Variants in CNTLN observed in about 807,000 individuals in gnomAD.
The protein encoded by CNTLN is centlein, also known as centlein, centrosomal protein.
A neutral mutation model predicts 180.0 loss-of-function variants in CNTLN; 212 were observed. That is an observed-to-expected ratio of 1.18 (90% CI 1.05 to 1.32). The LOEUF is 1.32. Ranked by LOEUF, CNTLN falls within the 40% of genes most tolerant of loss-of-function variation. The pLI is 0.00. For synonymous variants in CNTLN, 722 were observed against 563.1 expected, an observed-to-expected ratio of 1.28 and a Z score of -3.99; for missense variants, 2,095 against 1,610.9, an observed-to-expected ratio of 1.30 and a Z score of -5.14.
At chr9:17,411,969 G>C (rs552353349) in intron 16 of CNTLN, among the ~76,000 whole-genome samples, 1 of 152,168 alleles carries the variant, frequency 6.6e-6, no homozygotes, top group African/African-American at 2.4e-5. Context: ...AATTTCAGAG[G>C]CCAAGTGCAG....
At position 17,224,565 on chromosome 9, in the gene CNTLN, G is replaced by T. The variant is rs1047790710; in HGVS notation, c.450-1638G>T. 1.3e-5 allele frequency among the ~76,000 whole-genome samples: 2 copies of T among 151,926 alleles called. 1 individual carries two copies. Among genetic ancestry groups the T allele is most frequent in the Admixed American group, 1.3e-4 (2 of 15,226 alleles). Reference sequence around the variant, plus strand: ...GTTTTTAATCTCACTATTTTCCTGTGTAGTGTTCTGGATGAATCCCTTATT... The same window carrying T: ...GTTTTTAATCTCACTATTTTCCTGTTTAGTGTTCTGGATGAATCCCTTATT... On this transcript the variant is annotated intron_variant, in intron 2 of 25. Transcript: ENST00000380647.
chr9:17,463,969 C>A (rs1273127298), intron 20 of CNTLN, among the ~76,000 whole-genome samples: 1 of 151,400 alleles, frequency 6.6e-6, no homozygotes, highest in African/African-American at 2.4e-5. Context: ...AGCAGTGGTT[C>A]TCACAGCATC....
intron 8 of CNTLN, among the ~76,000 whole-genome samples, chr9:17,312,363 A>AT (rs375483820): frequency 1.3e-4 from 2 of 15,144 alleles, no homozygotes; most frequent in Non-Finnish European, 5.0e-4. Context: ...ATATATATAT[A>AT]TTATATATAT....
At chr9:17,266,450 G>A (rs11562196) in intron 5 of CNTLN, among the ~76,000 whole-genome samples, 34,923 of 151,652 alleles carry the variant, frequency 0.23, 4,717 homozygotes, top group South Asian at 0.36. Flanking sequence ...GGAGAGCTTT[G>A]CTTCCCAGTA....
chr9:17,517,187 G>T, the CNTLN span, among the ~76,000 whole-genome samples: 1 of 151,946 alleles, frequency 6.6e-6, no homozygotes, highest in African/African-American at 2.4e-5. Context: ...TCAGGAGATG[G>T]AGACCATCCT....
intron 3 of CNTLN, among the ~76,000 whole-genome samples, chr9:17,226,802 T>G (rs1462240987): frequency 6.6e-6 from 1 of 151,996 alleles, no homozygotes; most frequent in African/African-American, 2.4e-5. Flanking sequence ...TAGCAACATC[T>G]GCTTCTGGGA....
At chr9:17,233,238 G>C (rs968805699) in intron 3 of CNTLN, among the ~76,000 whole-genome samples, 10 of 151,972 alleles carry the variant, frequency 6.6e-5, no homozygotes, top group Admixed American at 5.9e-4. Context: ...CATGAAGTAA[G>C]TTTCGTATAA....
chr9:17,484,583 A>T, intron 24 of CNTLN, 103 bp downstream of exon 24: 2 of 916,318 alleles, frequency 2.2e-6, no homozygotes, highest in Non-Finnish European at 1.6e-6. Context: ...TCTTTAAGAG[A>T]GTGTTAATGA....
At position 17,363,368 on chromosome 9, in the gene CNTLN, A is replaced by G. The variant is rs139155555; in HGVS notation, c.1887-3249A>G. 2.9e-3 allele frequency among the ~76,000 whole-genome samples: 439 copies of G among 152,224 alleles called. 4 individuals are homozygous for G. Among genetic ancestry groups the G allele is most frequent in the African/African-American group, 1.0e-2 (415 of 41,546 alleles). On this transcript the variant is annotated intron_variant, in intron 12 of 25. Transcript: ENST00000380647. Reference sequence around the variant, plus strand: ...TGTAAGAGCATTCCTGTTTCTCCACATCCTCTCCAGCATCTCTTGTTTCCC... The same window carrying G: ...TGTAAGAGCATTCCTGTTTCTCCACGTCCTCTCCAGCATCTCTTGTTTCCC...
At chr9:17,361,237 G>A (rs1357197914) in intron 12 of CNTLN, among the ~76,000 whole-genome samples, 2 of 151,974 alleles carry the variant, frequency 1.3e-5, no homozygotes, top group African/African-American at 4.8e-5. Context: ...ACAGTCCCCA[G>A]TGTGTGATGT....
At chr9:17,436,179 A>C (rs1829763517) in intron 18 of CNTLN, among the ~76,000 whole-genome samples, 1 of 152,184 alleles carries the variant, frequency 6.6e-6, no homozygotes, top group African/African-American at 2.4e-5. Flanking sequence ...TTTTCTCAAT[A>C]TTCATAGAAA....
At chr9:17,337,739 A>G (rs1274219229) in intron 10 of CNTLN, among the ~76,000 whole-genome samples, 1 of 152,170 alleles carries the variant, frequency 6.6e-6, no homozygotes, top group Non-Finnish European at 1.5e-5. Context: ...AAAAATCCTT[A>G]ACATAGTGTC....
chr9:17,340,830 C>A lies in CNTLN; in HGVS notation c.1648C>A (p.Gln550Lys). ...CTTGCTTTTTTGTGTTCTACAGAGC[C>A]AAGAAAATGATGAGCTAAGAGATGC... ...NLEKALQLKS[Q>K]ENDELRDAHE... is the part of the protein sequence containing the mutation. The change falls in exon 11 of 26, where the codon CAA (glutamine) becomes AAA (lysine). Residue 550 changes from glutamine (Q) to lysine (K), a missense_variant. By Grantham distance (53) the Gln-to-Lys change is moderately conservative (BLOSUM62 1). Transcript: ENST00000380647. 1 of 1,608,512 alleles carries A rather than the reference C, an allele frequency of 6.2e-7. No homozygotes were observed.
chr9:17,491,346 C>T lies in CNTLN; in HGVS notation c.4119+4280C>T, dbSNP rs376047816. ...GTAATAGAATTTACACTTCTGGGGA[C>T]GGAGGACAATAAATAGTTAAAATGT... is the stretch of plus-strand genomic sequence containing the variant. On this transcript the variant is annotated intron_variant, in intron 25 of 25. Transcript: ENST00000380647. 5.9e-5 allele frequency among the ~76,000 whole-genome samples: 9 copies of T among 151,796 alleles called. No homozygotes were observed. The South Asian group carries it at 6.2e-4, about 11-fold the overall frequency.
At chr9:17,493,883 C>G (rs1245202370) in intron 25 of CNTLN, among the ~76,000 whole-genome samples, 1 of 152,204 alleles carries the variant, frequency 6.6e-6, no homozygotes, top group African/African-American at 2.4e-5. Flanking sequence ...TCTCTCCACA[C>G]AGTAAACTTA....
intron 18 of CNTLN, among the ~76,000 whole-genome samples, chr9:17,431,838 A>T (rs916687335): frequency 1.3e-5 from 2 of 152,186 alleles, no homozygotes; most frequent in African/African-American, 2.4e-5. Context: ...GAAGCAACAC[A>T]TTTTCTAAGT....
At chr9:17,279,537 T>C (rs532614545) in intron 6 of CNTLN, among the ~76,000 whole-genome samples, 5 of 152,180 alleles carry the variant, frequency 3.3e-5, no homozygotes, top group African/African-American at 4.8e-5. Context: ...ATTTCCACTA[T>C]AGTCTGATGC....
intron 6 of CNTLN, among the ~76,000 whole-genome samples, chr9:17,291,544 C>G (rs1044351827): frequency 2.0e-5 from 3 of 152,128 alleles, no homozygotes; most frequent in Non-Finnish European, 2.9e-5. Flanking sequence ...GAATTGAACC[C>G]TTTACCATTA....
At chr9:17,456,830 C>T (rs1831150122) in intron 18 of CNTLN, among the ~76,000 whole-genome samples, 1 of 152,046 alleles carries the variant, frequency 6.6e-6, no homozygotes, top group South Asian at 2.1e-4. Context: ...GAAAGGCTAA[C>T]GTTAAGATGG....
Sources: gnomAD v4.1 joint callset for allele counts (sites outside exome capture counted in the v4.1 genomes callset) on GRCh38, gnomAD v4.1.1 for gene constraint, MANE v1.5 for transcripts, NCBI Gene and HGNC (gene_info 2026-07-23, HGNC 2026-07-21) for gene names.